Variants in SPTBN5 observed in about 807,000 individuals in gnomAD.
SPTBN5 encodes spectrin beta, non-erythrocytic 5.
Under a neutral mutation model 477.6 loss-of-function variants are expected in SPTBN5, and 513 were observed. That is an observed-to-expected ratio of 1.07 (90% CI 1.00 to 1.16). SPTBN5 has a LOEUF of 1.16. Ranked by LOEUF, SPTBN5 falls within the 50% of genes most tolerant of loss-of-function variation. SPTBN5 has a pLI of 0.00. For missense variants in SPTBN5, 5,062 were observed against 4,731.8 expected (o/e 1.07, Z -2.05); for synonymous variants, 2,169 against 2,011.7 (o/e 1.08, Z -2.09).
chr15:41,877,387 C>G, intron 17 of SPTBN5, 31 bp from the exon 18 acceptor site: 3 of 1,593,542 alleles, frequency 1.9e-6, no homozygotes, highest in Non-Finnish European at 1.7e-6. Context: ...AGAGTCAAAC[C>G]CCAGCAGGCT....
At chr15:41,873,729 C>T (rs1054408868) in intron 25 of SPTBN5, 116 bp downstream of exon 25, 3 of 1,488,982 alleles carry the variant, frequency 2.0e-6, no homozygotes, top group Non-Finnish European at 1.8e-6. Context: ...GGGCACCCAT[C>T]AGCTCCCAGC....
chr15:41,871,247 C>T lies in SPTBN5; in HGVS notation c.5447+128G>A, dbSNP rs1335372313. The T allele has an allele frequency of 6.5e-5, 73 of 1,131,216 alleles. No homozygotes were observed. In the East Asian group the frequency reaches 1.5e-3, roughly 24 times the overall value. The allele number at this position is 1,131,216 out of a possible 1,614,324, so 70.1% of individuals were successfully genotyped here. ...AGCTTCTCTGGAGCTAGGCCCCCTG[C>T]AGAGCCCCGTGGGCAGCCAGGGCCA... On this transcript the variant is annotated intron_variant, in intron 29 of 67. Transcript: ENST00000320955.
chr15:41,866,241 G>C lies in SPTBN5; in HGVS notation c.6631-12C>G, dbSNP rs750678823. 13 of 1,587,700 alleles carry C rather than the reference G, an allele frequency of 8.2e-6. No individual in the cohort carries two copies. Among genetic ancestry groups the C allele is most frequent in the Admixed American group, 5.4e-5 (3 of 55,112 alleles). On this transcript the variant is annotated splice_polypyrimidine_tract_variant and intron_variant, in intron 37 of 67. Coordinates refer to ENST00000320955, the MANE Select transcript of SPTBN5 (RefSeq NM_016642.4). The stretch of plus-strand genomic sequence containing the variant: ...AGAGCCTCTCCCTTCTGGAGGGAGA[G>C]AGGGGACACAGGACATCTTGCCTGC...
rs1456204060 is a variant in SPTBN5, at chr15:41,877,238, A to G, written c.3589T>C (p.Trp1197Arg). 10 of 1,613,908 alleles carry G rather than the reference A, an allele frequency of 6.2e-6. No individual in the cohort carries two copies. Among genetic ancestry groups the G allele is most frequent in the Non-Finnish European group, 8.5e-6 (10 of 1,179,878 alleles). ...TGCAGCCACTGCTGCCTCTGCTCCC[A>G]CAAAACCTTCAGCTCCTGGCCCTGC... ...GQQGQELKVL[W>R]EQRQQWLQEG... Residue 1197 changes from tryptophan (W) to arginine (R), a missense_variant, in exon 18 of 68, where the codon TGG (tryptophan) becomes CGG (arginine). By Grantham distance (101) the Trp-to-Arg change is moderately radical. Transcript: ENST00000320955.
At position 41,893,338 on chromosome 15, in the gene SPTBN5, G is replaced by T. The variant is rs2067373247; in HGVS notation, c.160C>A (p.Gln54Lys). 6.2e-7 allele frequency: 1 copy of T among 1,614,018 alleles called. No homozygotes were observed. The highest frequency in any genetic ancestry group is 1.3e-5 in the African/African-American group (1 of 75,070). ...TTGGTGAAAGTCTTCTCCTGCATCT[G>T]CATGTGCCGGGCCTGTAGCTTGCGA... ...HIRKLQARHM[Q>K]MQEKTFTKWI... Residue 54 changes from glutamine to lysine, a missense_variant, in exon 2 of 68, where the codon CAG (glutamine) becomes AAG (lysine). Coordinates refer to ENST00000320955, the MANE Select transcript of SPTBN5 (RefSeq NM_016642.4).
At chr15:41,863,659 T>A in intron 41 of SPTBN5, 45 bp downstream of exon 41, 1 of 1,501,102 alleles carries the variant, frequency 6.7e-7, no homozygotes. Flanking sequence ...CTCCCCTGAC[T>A]GCATTTGCTC....
intron 6 of SPTBN5, among the ~76,000 whole-genome samples, chr15:41,886,700 T>C (rs2067163169): frequency 6.6e-6 from 1 of 152,160 alleles, no homozygotes; most frequent in Non-Finnish European, 1.5e-5. Flanking sequence ...TCCTACCCCA[T>C]AAAGCAGCTC....
intron 3 of SPTBN5, among the ~76,000 whole-genome samples, chr15:41,891,706 G>T (rs1595520629): frequency 6.6e-6 from 1 of 152,284 alleles, no homozygotes; most frequent in Non-Finnish European, 1.5e-5. Flanking sequence ...GGGGGTCTGG[G>T]CTTTGCTTAG....
Position 41,852,000 on chromosome 15 carries a change from G to A in SPTBN5, c.10585-150C>T, listed in dbSNP as rs576047057. The stretch of plus-strand genomic sequence containing the variant: ...TTAGCTTCTAAGATCAGATGAGATC[G>A]GGCATGTTCAGGGTGGTATGGCTGT... On this transcript the variant is annotated intron_variant, in intron 62 of 67. Transcript: ENST00000320955. 8.8e-4 allele frequency: 801 copies of A among 910,392 alleles called. 6 individuals are homozygous for A. The South Asian group carries it at 0.011, about 12-fold the overall frequency. The allele number at this position is 910,392 out of a possible 1,614,324, so 56.4% of individuals were successfully genotyped here.
chr15:41,892,360 G>A (rs1012991462), intron 3 of SPTBN5, among the ~76,000 whole-genome samples: 8 of 151,440 alleles, frequency 5.3e-5, no homozygotes, highest in Non-Finnish European at 1.0e-4. Context: ...CTGGAGCTCC[G>A]GCCTCCTTTT....
Position 41,851,267 on chromosome 15 carries a change from C to G in SPTBN5, c.10743+16G>C, listed in dbSNP as rs2065751325. 5 of 1,551,454 alleles carry G rather than the reference C, an allele frequency of 3.2e-6. No individual in the cohort carries two copies. In the Admixed American group the frequency reaches 5.9e-5, roughly 18 times the overall value. Reference sequence around the variant, plus strand: ...CAGCACCCTGATGTCTGCATCTCCCCTACCCCGCCTGGTACCTCCGCTGCC... The same window carrying G: ...CAGCACCCTGATGTCTGCATCTCCCGTACCCCGCCTGGTACCTCCGCTGCC... On this transcript the variant is annotated intron_variant, in intron 64 of 67. Coordinates refer to ENST00000320955, the MANE Select transcript of SPTBN5 (RefSeq NM_016642.4).
chr15:41,873,468 C>T, intron 26 of SPTBN5, 24 bp downstream of exon 26: 1 of 1,518,752 alleles, frequency 6.6e-7, no homozygotes, highest in Non-Finnish European at 8.9e-7. Flanking sequence ...GACCACACTG[C>T]AGGGGAGGCT....
chr15:41,859,111 A>C, intron 47 of SPTBN5, 131 bp from the exon 48 acceptor site: 4 of 610,390 alleles, frequency 6.6e-6, no homozygotes, highest in East Asian at 3.2e-5. Flanking sequence ...GGTACATTGC[A>C]CTCCCCCTCT....
At position 41,876,655 on chromosome 15, in the gene SPTBN5, G is replaced by T; in HGVS notation, c.3852-8C>A. The T allele has an allele frequency of 6.9e-7, 1 of 1,447,834 alleles. No individual in the cohort carries two copies. 89.7% of individuals were successfully genotyped at this position (1,447,834 alleles called of 1,614,324 possible). A position where few individuals can be genotyped will look rare whatever the true frequency, so the allele number is the denominator to read the frequency against. On this transcript the variant is annotated splice_polypyrimidine_tract_variant and splice_region_variant and intron_variant, in intron 19 of 67. Transcript: ENST00000320955. ...TGCAGCTGCTCTCTGACCCTGGAGG[G>T]CGGGGGGGGGTTGGAGGAGGGCATG...
rs772213693 is a variant in SPTBN5, at chr15:41,882,424, G to A, written c.2092C>T (p.Leu698Phe). ...CTGAGGTCGCGTCCCCTCCGCACGA[G>A]ATCTACGCACACGGCCTGGTGGCGG... The part of the protein sequence containing the change: ...VHRHQAVCVD[L>F]VRRGRDLSAR... Residue 698 changes from leucine to phenylalanine, a missense_variant, in exon 11 of 68, where the codon CTC (leucine) becomes TTC (phenylalanine). Transcript: ENST00000320955. 6.5e-7 allele frequency: 1 copy of A among 1,547,580 alleles called. No homozygotes were observed. Among genetic ancestry groups the A allele is most frequent in the South Asian group, 1.2e-5 (1 of 84,668 alleles).
Position 41,855,529 on chromosome 15 carries a change from A to ACCT in SPTBN5, c.9218+19_9218+20insAGG. The stretch of plus-strand genomic sequence containing the variant: ...GGGGCTTCTCTCTGCTCCTTCGCGG[A>ACCT]TGGTGTGGCTTCCGCCCACCTTTCT... On this transcript the variant is annotated intron_variant, in intron 54 of 67. Coordinates refer to ENST00000320955, the MANE Select transcript of SPTBN5 (RefSeq NM_016642.4). The ACCT allele has an allele frequency of 1.2e-6, 2 of 1,605,030 alleles. No individual in the cohort carries two copies. Among genetic ancestry groups the ACCT allele is most frequent in the Non-Finnish European group, 1.7e-6 (2 of 1,174,230 alleles).
Position 41,851,069 on chromosome 15 carries a change from ATG to A in SPTBN5, c.10823_10824del (p.Thr3608IlefsTer22), listed in dbSNP as rs767611172. On this transcript the variant is annotated frameshift_variant, in exon 65 of 68. Coordinates refer to ENST00000320955, the MANE Select transcript of SPTBN5 (RefSeq NM_016642.4). LOFTEE classifies it high-confidence loss of function. ...TGTCTCTCCGCTCACCTTAAGGAGA[ATG>A]TGTGTTTCCTGCCGTGGCGGCCCCG... ...RLRGRHGRKH[T>X]FSLRLTSGAE... 96 of 1,612,236 alleles carry A rather than the reference ATG, an allele frequency of 6.0e-5. No homozygotes were observed. The African/African-American group carries it at 6.9e-4, about 12-fold the overall frequency.
Position 41,856,617 on chromosome 15 carries a change from G to T in SPTBN5, c.8809-19C>A. The T allele has an allele frequency of 1.3e-6, 2 of 1,556,480 alleles. No individual in the cohort carries two copies. Among genetic ancestry groups the T allele is most frequent in the Admixed American group, 1.8e-5 (1 of 54,410 alleles). ...CCAGGTTCTGCGGGGGAGGAGGCAG[G>T]AGGATGCGGATGTTGCTGACCCTTG... is the stretch of plus-strand genomic sequence containing the variant. On this transcript the variant is annotated intron_variant, in intron 52 of 67. Coordinates refer to ENST00000320955, the MANE Select transcript of SPTBN5 (RefSeq NM_016642.4).
intron 26 of SPTBN5, 105 bp downstream of exon 26, chr15:41,873,387 G>T: frequency 2.3e-6 from 2 of 863,626 alleles, no homozygotes; most frequent in Non-Finnish European, 3.7e-6. Flanking sequence ...TCTCCAGGAA[G>T]CAAGAGCAGG....
Sources: allele counts gnomAD v4.1 joint callset (sites outside exome capture counted in the v4.1 genomes callset), GRCh38; gene constraint gnomAD v4.1.1; transcripts MANE v1.5; gene names NCBI Gene and HGNC (gene_info 2026-07-23, HGNC 2026-07-21).